Variants in OSTM1 observed in about 807,000 individuals in gnomAD.
The protein encoded by OSTM1 is osteoclastogenesis associated transmembrane protein 1.
Under a neutral mutation model 35.4 loss-of-function variants are expected in OSTM1, and 26 were observed. That is an observed-to-expected ratio of 0.73 (90% CI 0.54 to 1.02). The LOEUF is 1.02. Ranked by LOEUF, OSTM1 falls within the 50% of genes least tolerant of loss-of-function variation. The pLI is 0.00. For synonymous variants in OSTM1, 181 were observed against 165.0 expected, an observed-to-expected ratio of 1.10 and a Z score of -0.75; for missense variants, 366 against 409.6, an observed-to-expected ratio of 0.89 and a Z score of 0.92.
At position 108,044,638 on chromosome 6, in the gene OSTM1, C is replaced by A. The variant is rs117394334; in HGVS notation, c.*147G>T. On this transcript the variant is annotated 3_prime_UTR_variant, in exon 6 of 6. Coordinates refer to ENST00000193322, the MANE Select transcript of OSTM1 (RefSeq NM_014028.4). ...AAGAAGTGGAAAAGGAAAGAAAAAT[C>A]GAAAATTCTTATTTAAAAATGGATC... 3.5e-4 allele frequency: 179 copies of A among 513,232 alleles called. No homozygotes were observed. The highest frequency in any genetic ancestry group is 5.3e-4 in the Admixed American group (16 of 29,944). The allele number at this position is 513,232 out of a possible 1,614,324, so 31.8% of individuals were successfully genotyped here. A position where few individuals can be genotyped will look rare whatever the true frequency, so the allele number is the denominator to read the frequency against.
intron 1 of OSTM1, among the ~76,000 whole-genome samples, chr6:108,072,728 A>G (rs775877921): frequency 1.8e-4 from 27 of 151,346 alleles, no homozygotes; most frequent in Non-Finnish European, 1.8e-4. Flanking sequence ...TTCCCCAGTT[A>G]TGTAAAATGA....
At position 108,074,595 on chromosome 6, in the gene OSTM1, C is replaced by A. The variant is rs776805112; in HGVS notation, c.57G>T (p.Pro19=). 4 of 1,564,434 alleles carry A rather than the reference C, an allele frequency of 2.6e-6. No individual in the cohort carries two copies. The South Asian group carries it at 3.5e-5, about 14-fold the overall frequency. Residue 19 remains proline (P), a synonymous_variant, in exon 1 of 6, where the codon CCG becomes CCT. Transcript: ENST00000193322. ...GCCCCGACCACAGCAGCAGCCCCAGCGGCAGCCACGGCGGCAACGAACACC... is the reference window on the plus strand; with the variant it reads ...GCCCCGACCACAGCAGCAGCCCCAGAGGCAGCCACGGCGGCAACGAACACC... ...QRRCSLPPWL[P]LGLLLWSGLA...
At chr6:108,064,149 C>T (rs576395670) in intron 2 of OSTM1, 36 bp downstream of exon 2, 2 of 1,048,300 alleles carry the variant, frequency 1.9e-6, no homozygotes, top group Admixed American at 1.7e-5. Flanking sequence ...TACTACTGAA[C>T]CATAACTGCA....
At chr6:108,068,380 C>T (rs1202666915) in intron 1 of OSTM1, among the ~76,000 whole-genome samples, 2 of 152,122 alleles carry the variant, frequency 1.3e-5, no homozygotes, top group Non-Finnish European at 2.9e-5. Flanking sequence ...TCAATATATC[C>T]ACTTAGAAAG....
Position 108,043,267 on chromosome 6 carries a change from C to T in OSTM1, c.*1518G>A, listed in dbSNP as rs548757380. 6.6e-6 allele frequency: 1 copy of T among 152,296 alleles called. No homozygotes were observed. Among genetic ancestry groups the T allele is most frequent in the African/African-American group, 2.4e-5 (1 of 41,564 alleles). 9.4% of individuals were successfully genotyped at this position (152,296 alleles called of 1,614,324 possible). ...AAATCAAGACAGTGCTAAGTTCCAG[C>T]AGCATAAACAGTGACAGCAGAACAA... On this transcript the variant is annotated 3_prime_UTR_variant, in exon 6 of 6. Transcript: ENST00000193322.
At chr6:108,071,454 C>T (rs570683015) in intron 1 of OSTM1, among the ~76,000 whole-genome samples, 6 of 144,830 alleles carry the variant, frequency 4.1e-5, no homozygotes, top group South Asian at 2.2e-4. Flanking sequence ...CCACCACACC[C>T]GGCTAATTTT....
intron 3 of OSTM1, among the ~76,000 whole-genome samples, chr6:108,053,721 C>T (rs985744029): frequency 1.3e-5 from 2 of 152,260 alleles, no homozygotes; most frequent in Non-Finnish European, 2.9e-5. Flanking sequence ...CTGCCTTGGC[C>T]TCCCAAGGTG....
rs1772134172 is a variant in OSTM1 at position 108,054,349 on chromosome 6, G to C, written c.615+141C>G. On this transcript the variant is annotated intron_variant, in intron 3 of 5. Coordinates refer to ENST00000193322, the MANE Select transcript of OSTM1 (RefSeq NM_014028.4). The stretch of plus-strand genomic sequence containing the variant: ...TTTGTAAGTAGAAGAACTTACTTAA[G>C]AGCAGAAATCCAGGTCCACTAACTC... 6 of 441,268 alleles carry C rather than the reference G, an allele frequency of 1.4e-5. No homozygotes were observed. The South Asian group carries it at 2.0e-4, about 15-fold the overall frequency. 27.3% of individuals were successfully genotyped at this position (441,268 alleles called of 1,614,324 possible). A position where few individuals can be genotyped will look rare whatever the true frequency, so the allele number is the denominator to read the frequency against.
chr6:108,072,669 A>T, intron 1 of OSTM1, among the ~76,000 whole-genome samples: 1 of 150,060 alleles, frequency 6.7e-6, no homozygotes, highest in African/African-American at 2.4e-5. Flanking sequence ...AAAAAAAAAC[A>T]TGCTCTTTAC....
At position 108,043,922 on chromosome 6, in the gene OSTM1, A is replaced by C. The variant is rs1771920313; in HGVS notation, c.*863T>G. The C allele has an allele frequency of 6.6e-6, 1 of 152,454 alleles. No individual in the cohort carries two copies. Among genetic ancestry groups the C allele is most frequent in the Non-Finnish European group, 1.5e-5 (1 of 68,032 alleles). The allele number at this position is 152,454 out of a possible 1,614,324, so 9.4% of individuals were successfully genotyped here. ...TTCTCCAAAATCCTCTATATATCTT[A>C]AGAAGAAAATATTCCTTTAAAAAAT... On this transcript the variant is annotated 3_prime_UTR_variant, in exon 6 of 6. Coordinates refer to ENST00000193322, the MANE Select transcript of OSTM1 (RefSeq NM_014028.4).
intron 5 of OSTM1, among the ~76,000 whole-genome samples, chr6:108,045,774 T>C (rs1227980482): frequency 6.6e-6 from 1 of 152,178 alleles, no homozygotes; most frequent in African/African-American, 2.4e-5. Flanking sequence ...AACATGAATG[T>C]TTCTCATGTT....
intron 2 of OSTM1, among the ~76,000 whole-genome samples, chr6:108,057,480 A>G (rs1772188495): frequency 1.3e-5 from 2 of 152,206 alleles, no homozygotes; most frequent in South Asian, 4.1e-4. Context: ...ATAGGGATAA[A>G]AGGGGTCCAC....
chr6:108,045,840 A>C (rs1281140348), intron 5 of OSTM1, among the ~76,000 whole-genome samples: 1 of 152,198 alleles, frequency 6.6e-6, no homozygotes, highest in Non-Finnish European at 1.5e-5. Flanking sequence ...TGAGTAACTA[A>C]GAGTCTCCCT....
At position 108,064,306 on chromosome 6, in the gene OSTM1, C is replaced by CA; in HGVS notation, c.403-8dup. 7.0e-7 allele frequency: 1 copy of CA among 1,419,292 alleles called. No homozygotes were observed. Among genetic ancestry groups the CA allele is most frequent in the Non-Finnish European group, 9.9e-7 (1 of 1,008,238 alleles). The allele number at this position is 1,419,292 out of a possible 1,614,324, so 87.9% of individuals were successfully genotyped here. The stretch of plus-strand genomic sequence containing the variant: ...TCTGACTCTCTGAAGTATTCTGTAA[C>CA]AAAAAGAAGACAGAAAAATACAATC... On this transcript the variant is annotated splice_polypyrimidine_tract_variant and splice_region_variant and intron_variant, in intron 1 of 5. Coordinates refer to ENST00000193322, the MANE Select transcript of OSTM1 (RefSeq NM_014028.4).
intron 1 of OSTM1, among the ~76,000 whole-genome samples, chr6:108,065,951 AAGC>A (rs1772369107): frequency 6.7e-6 from 1 of 150,062 alleles, no homozygotes; most frequent in African/African-American, 2.4e-5. Context: ...TTCATGAAGG[AAGC>A]AGGATATGAA....
rs933029875 is a variant in OSTM1, at chr6:108,060,069, C to T, written c.517+4116G>A. 2.0e-5 allele frequency among the ~76,000 whole-genome samples: 3 copies of T among 152,290 alleles called. No individual in the cohort carries two copies. In the East Asian group the frequency reaches 5.8e-4, roughly 29 times the overall value. On this transcript the variant is annotated intron_variant, in intron 2 of 5. Coordinates refer to ENST00000193322, the MANE Select transcript of OSTM1 (RefSeq NM_014028.4). The stretch of plus-strand genomic sequence containing the variant: ...AATCTTCCTTTCTTTCCTGCCCACA[C>T]AGCTATCCAACTGCCCTCCCTCAAA...
At chr6:108,067,593 G>C (rs934859983) in intron 1 of OSTM1, among the ~76,000 whole-genome samples, 1 of 152,024 alleles carries the variant, frequency 6.6e-6, no homozygotes, top group Non-Finnish European at 1.5e-5. Context: ...TACTTTGGGA[G>C]GCCGAGGCAG....
rs35984071 is a variant in OSTM1, at chr6:108,052,511, C to CTTTTTTT, written c.616-1320_616-1314dup. 4.4e-4 allele frequency among the ~76,000 whole-genome samples: 48 copies of CTTTTTTT among 108,092 alleles called. 2 individuals are homozygous for CTTTTTTT. The highest frequency in any genetic ancestry group is 1.1e-3 in the African/African-American group (31 of 27,414). The allele number at this position is 108,092 out of a possible 152,430, so 70.9% of individuals were successfully genotyped here. A position where few individuals can be genotyped will look rare whatever the true frequency, so the allele number is the denominator to read the frequency against. ...TAATCTAGATGGGGAGTAATTTAACCTTTTTTTTTTTTTTTTTTTTTGAGA... is the reference window on the plus strand; with the variant it reads ...TAATCTAGATGGGGAGTAATTTAACCTTTTTTTTTTTTTTTTTTTTTTTTTTTTGAGA... On this transcript the variant is annotated intron_variant, in intron 3 of 5. Transcript: ENST00000193322.
chr6:108,067,022 C>A (rs941826590), intron 1 of OSTM1, among the ~76,000 whole-genome samples: 1 of 152,154 alleles, frequency 6.6e-6, no homozygotes, highest in Non-Finnish European at 1.5e-5. Flanking sequence ...ATGCCTGCAC[C>A]CAGGAAGTCA....
Sources: gnomAD v4.1 joint callset for allele counts (sites outside exome capture counted in the v4.1 genomes callset) on GRCh38, gnomAD v4.1.1 for gene constraint, MANE v1.5 for transcripts, NCBI Gene and HGNC (gene_info 2026-07-23, HGNC 2026-07-21) for gene names.